Variants in KCND2 observed in about 807,000 individuals in gnomAD.
The protein encoded by KCND2 is A-type voltage-gated potassium channel KCND2.
In KCND2, 16 loss-of-function variants were observed where a neutral mutation model predicts 54.4. The ratio of observed to expected loss-of-function variants is 0.29; its 90% CI spans 0.20 to 0.45. KCND2 has a LOEUF of 0.45. Ranked by LOEUF, KCND2 falls within the 20% of genes least tolerant of loss-of-function variation. KCND2 has a pLI of 1.00. For missense variants in KCND2, 486 were observed against 824.2 expected, an observed-to-expected ratio of 0.59 and a Z score of 5.02; for synonymous variants, 317 against 310.7, an observed-to-expected ratio of 1.02 and a Z score of -0.21.
At chr7:120,687,726 A>G (rs561948177) in intron 1 of KCND2, among the ~76,000 whole-genome samples, 1 of 152,202 alleles carries the variant, frequency 6.6e-6, no homozygotes, top group Non-Finnish European at 1.5e-5. Context: ...TGTCAATTCA[A>G]AATACATTTT....
intron 1 of KCND2, among the ~76,000 whole-genome samples, chr7:120,662,913 C>A (rs1791883619): frequency 1.3e-5 from 2 of 152,066 alleles, no homozygotes; most frequent in Non-Finnish European, 2.9e-5. Flanking sequence ...TGCTTTCAGG[C>A]TAGGAAAACG....
At position 120,274,561 on chromosome 7, in the gene KCND2, G is replaced by A; in HGVS notation, c.-72G>A. 1.3e-6 allele frequency: 2 copies of A among 1,572,806 alleles called. No individual in the cohort carries two copies. The highest frequency in any genetic ancestry group is 1.7e-6 in the Non-Finnish European group (2 of 1,143,100). On this transcript the variant is annotated 5_prime_UTR_variant, in exon 1 of 6. Transcript: ENST00000331113. ...GTACTTTGCTTGACTGGAGGAAGTG[G>A]GTGACTTTTGGCTGCTTCGGTGACC...
At chr7:120,477,091 C>T (rs1802544617) in intron 1 of KCND2, among the ~76,000 whole-genome samples, 1 of 152,168 alleles carries the variant, frequency 6.6e-6, no homozygotes. Context: ...AGAGCAGTGA[C>T]AGAATAGCTT....
intron 1 of KCND2, among the ~76,000 whole-genome samples, chr7:120,410,544 T>C (rs892010535): frequency 6.6e-6 from 1 of 151,944 alleles, no homozygotes; most frequent in Admixed American, 6.6e-5. Context: ...TTATGTCTTC[T>C]TTAATTCTTT....
At chr7:120,527,282 G>T (rs1791788615) in intron 1 of KCND2, among the ~76,000 whole-genome samples, 1 of 151,946 alleles carries the variant, frequency 6.6e-6, no homozygotes, top group African/African-American at 2.4e-5. Flanking sequence ...TGGTCATTAG[G>T]GACCTCATTC....
At chr7:120,597,566 C>A (rs1206674264) in intron 1 of KCND2, among the ~76,000 whole-genome samples, 1 of 152,018 alleles carries the variant, frequency 6.6e-6, no homozygotes, top group Non-Finnish European at 1.5e-5. Context: ...TTCTGAATGG[C>A]CAATTAAAGT....
intron 1 of KCND2, among the ~76,000 whole-genome samples, chr7:120,629,471 G>A (rs1355137930): frequency 6.6e-6 from 1 of 152,168 alleles, no homozygotes; most frequent in East Asian, 1.9e-4. Context: ...GGGCGACAGA[G>A]CGAGACTCCG....
chr7:120,605,155 C>T (rs964133423), intron 1 of KCND2, among the ~76,000 whole-genome samples: 1 of 152,166 alleles, frequency 6.6e-6, no homozygotes, highest in Non-Finnish European at 1.5e-5. Flanking sequence ...CAACCATGAC[C>T]ACTGTCTAAT....
At chr7:120,663,798 C>T (rs1584874377) in intron 1 of KCND2, among the ~76,000 whole-genome samples, 1 of 152,148 alleles carries the variant, frequency 6.6e-6, no homozygotes, top group South Asian at 2.1e-4. Context: ...ACATGCACCA[C>T]GATATTTCCC....
chr7:120,520,181 C>A (rs2116345676), intron 1 of KCND2, among the ~76,000 whole-genome samples: 1 of 151,964 alleles, frequency 6.6e-6, no homozygotes, highest in Non-Finnish European at 1.5e-5. Flanking sequence ...TATTGTCTAC[C>A]ATTTATGTGT....
intron 1 of KCND2, among the ~76,000 whole-genome samples, chr7:120,455,570 A>G (rs1025458757): frequency 6.6e-6 from 1 of 152,162 alleles, no homozygotes; most frequent in Non-Finnish European, 1.5e-5. Context: ...TAGCGAAGAC[A>G]TGGAATCAAC....
At chr7:120,387,893 A>C (rs988599758) in intron 1 of KCND2, among the ~76,000 whole-genome samples, 1 of 152,084 alleles carries the variant, frequency 6.6e-6, no homozygotes, top group East Asian at 1.9e-4. Context: ...TCTCTAGGTC[A>C]TCATTCCAAA....
At chr7:120,345,523 C>T (rs765896183) in intron 1 of KCND2, among the ~76,000 whole-genome samples, 8 of 152,134 alleles carry the variant, frequency 5.3e-5, no homozygotes, top group Admixed American at 3.9e-4. Flanking sequence ...AACTCTGTAC[C>T]TATTAAGCAA....
intron 1 of KCND2, among the ~76,000 whole-genome samples, chr7:120,677,113 G>C (rs1792070457): frequency 6.6e-6 from 1 of 152,172 alleles, no homozygotes; most frequent in South Asian, 2.1e-4. Context: ...TGATCAGCCT[G>C]TCAGGACTTA....
At chr7:120,621,294 A>G (rs2116500567) in intron 1 of KCND2, among the ~76,000 whole-genome samples, 1 of 150,688 alleles carries the variant, frequency 6.6e-6, no homozygotes. Flanking sequence ...AAAAAAAAAA[A>G]AAAAAAAAAA....
chr7:120,681,645 T>C (rs1792141217), intron 1 of KCND2, among the ~76,000 whole-genome samples: 1 of 152,070 alleles, frequency 6.6e-6, no homozygotes, highest in Non-Finnish European at 1.5e-5. Flanking sequence ...TTTTTATGTA[T>C]GTAAGTGAGT....
At chr7:120,425,117 T>A (rs1391250968) in intron 1 of KCND2, among the ~76,000 whole-genome samples, 1 of 152,246 alleles carries the variant, frequency 6.6e-6, no homozygotes, top group East Asian at 1.9e-4. Flanking sequence ...ATTTTTATAT[T>A]CTTTTTCCTC....
chr7:120,385,651 G>A (rs1800977172), intron 1 of KCND2, among the ~76,000 whole-genome samples: 1 of 152,072 alleles, frequency 6.6e-6, no homozygotes, highest in Non-Finnish European at 1.5e-5. Context: ...ACCATATACA[G>A]TTTCAAAGGA....
chr7:120,627,433 G>A (rs1280351122), intron 1 of KCND2, among the ~76,000 whole-genome samples: 2 of 152,086 alleles, frequency 1.3e-5, no homozygotes, highest in Non-Finnish European at 2.9e-5. Flanking sequence ...TTCATGAAAA[G>A]AAGTTTCAAT....
Sources: allele counts gnomAD v4.1 joint callset (sites outside exome capture counted in the v4.1 genomes callset), GRCh38; gene constraint gnomAD v4.1.1; transcripts MANE v1.5; gene names NCBI Gene and HGNC (gene_info 2026-07-23, HGNC 2026-07-21).